The following LRRTM4 variants were observed in gnomAD, a reference collection of about 807,000 sequenced individuals.
LRRTM4 encodes the protein leucine rich repeat transmembrane neuronal 4.
In LRRTM4, 25 loss-of-function variants were observed where a neutral mutation model predicts 47.6. The ratio of observed to expected loss-of-function variants is 0.53; its 90% CI spans 0.38 to 0.73. LRRTM4 has a LOEUF of 0.73. LRRTM4 is among the 30% of genes least tolerant of loss of function. The probability of loss-of-function intolerance (pLI) is 0.00; values close to 1 mark genes in which losing one functional copy is unlikely to be tolerated. For synonymous variants in LRRTM4, 311 were observed against 269.5 expected, an observed-to-expected ratio of 1.15 and a Z score of -1.51; for missense variants, 638 against 713.4, an observed-to-expected ratio of 0.89 and a Z score of 1.20.
At chr2:77,006,648 C>A (rs965803458) in intron 3 of LRRTM4, among the ~76,000 whole-genome samples, 2 of 152,020 alleles carry the variant, frequency 1.3e-5, no homozygotes, top group Middle Eastern at 3.2e-3. Context: ...CAAAAACAAG[C>A]GGAGAGATTC....
At chr2:76,920,106 C>T (rs899382148) in intron 3 of LRRTM4, among the ~76,000 whole-genome samples, 1 of 151,972 alleles carries the variant, frequency 6.6e-6, no homozygotes, top group African/African-American at 2.4e-5. Context: ...TCTTTTAAAA[C>T]GTAATATGAG....
At chr2:76,963,355 A>G (rs1431928303) in intron 3 of LRRTM4, among the ~76,000 whole-genome samples, 2 of 150,840 alleles carry the variant, frequency 1.3e-5, no homozygotes, top group African/African-American at 4.8e-5. Flanking sequence ...ATTGCTCTGG[A>G]ACTATCTCCT....
intron 3 of LRRTM4, among the ~76,000 whole-genome samples, chr2:77,406,789 G>C (rs1273243032): frequency 3.3e-5 from 5 of 152,026 alleles, no homozygotes; most frequent in Admixed American, 2.6e-4. Context: ...AGCTGAAGTA[G>C]AAAACATTTC....
intron 3 of LRRTM4, chr2:76,986,121 T>C (rs965846640): frequency 3.5e-5 from 5 of 142,642 alleles, no homozygotes; most frequent in South Asian, 2.1e-4. Flanking sequence ...TAGATTTTCA[T>C]TGGACTTTTG....
intron 3 of LRRTM4, among the ~76,000 whole-genome samples, chr2:76,964,261 T>C (rs1675951841): frequency 6.6e-6 from 1 of 150,682 alleles, no homozygotes; most frequent in Non-Finnish European, 1.5e-5. Flanking sequence ...AATAAAAAAA[T>C]CAACTCTTCA....
chr2:77,122,361 TTTAA>T (rs1280419079), intron 3 of LRRTM4, among the ~76,000 whole-genome samples: 1 of 151,456 alleles, frequency 6.6e-6, no homozygotes, highest in Non-Finnish European at 1.5e-5. Context: ...TTGTTATTCT[TTTAA>T]TTATCTTACT....
At chr2:77,086,575 T>C (rs1347656137) in intron 3 of LRRTM4, among the ~76,000 whole-genome samples, 1 of 151,312 alleles carries the variant, frequency 6.6e-6, no homozygotes, top group Non-Finnish European at 1.5e-5. Context: ...CCTCCTGGAC[T>C]CAAGCCATTC....
intron 3 of LRRTM4, among the ~76,000 whole-genome samples, chr2:76,998,632 C>T (rs1677291599): frequency 6.6e-6 from 1 of 152,000 alleles, no homozygotes; most frequent in South Asian, 2.1e-4. Flanking sequence ...TGAAGTCTGA[C>T]ATCCACTGCT....
In LRRTM4 at chr2:77,286,596, T is replaced by C. The variant is rs529847172; in HGVS notation, c.1551+231722A>G. 2.0e-5 allele frequency among the ~76,000 whole-genome samples: 3 copies of C among 149,772 alleles called. No individual in the cohort carries two copies. In the South Asian group the frequency reaches 6.3e-4, roughly 32 times the overall value. ...TCACTAAATTACCACCAACAAAATA[T>C]ATATAAGAAAAAAAAAAACTCTAGC... On this transcript the variant is annotated intron_variant, in intron 3 of 3. Coordinates refer to ENST00000409884, the MANE Select transcript of LRRTM4 (RefSeq NM_001134745.3).
intron 3 of LRRTM4, among the ~76,000 whole-genome samples, chr2:77,378,007 G>A (rs1346370948): frequency 1.3e-5 from 2 of 151,780 alleles, no homozygotes; most frequent in Non-Finnish European, 1.5e-5. Context: ...TGGTAATTTA[G>A]GTTCTCTAGA....
chr2:77,415,506 TA>T (rs561272758), intron 3 of LRRTM4, among the ~76,000 whole-genome samples: 62 of 152,300 alleles, frequency 4.1e-4, no homozygotes, highest in African/African-American at 1.5e-3. Context: ...TTAAATTATT[TA>T]AAAGTATATT....
At chr2:76,957,797 C>A (rs1229670447) in intron 3 of LRRTM4, among the ~76,000 whole-genome samples, 3 of 151,668 alleles carry the variant, frequency 2.0e-5, no homozygotes, top group South Asian at 2.1e-4. Flanking sequence ...ATGGCACACA[C>A]TCACATGGTT....
intron 3 of LRRTM4, among the ~76,000 whole-genome samples, chr2:77,063,445 T>G (rs1404608194): frequency 1.3e-5 from 2 of 152,170 alleles, no homozygotes; most frequent in Non-Finnish European, 2.9e-5. Context: ...GCCTCTCTGT[T>G]TCTACCAAAT....
At chr2:76,970,245 G>A (rs1018967536) in intron 3 of LRRTM4, among the ~76,000 whole-genome samples, 1 of 151,942 alleles carries the variant, frequency 6.6e-6, no homozygotes, top group Non-Finnish European at 1.5e-5. Context: ...ATCTCTAAGA[G>A]CCCAATATAT....
At chr2:76,853,416 C>T (rs953042616) in intron 3 of LRRTM4, among the ~76,000 whole-genome samples, 1 of 152,036 alleles carries the variant, frequency 6.6e-6, no homozygotes, top group Non-Finnish European at 1.5e-5. Context: ...AGAGCACCTG[C>T]CACCATCTAA....
intron 3 of LRRTM4, among the ~76,000 whole-genome samples, chr2:76,940,903 A>G (rs1675119453): frequency 6.6e-6 from 1 of 152,180 alleles, no homozygotes; most frequent in African/African-American, 2.4e-5. Context: ...TGTTGACTAC[A>G]AGGCTAGCAA....
At chr2:76,803,578 G>A (rs577976154) in intron 3 of LRRTM4, among the ~76,000 whole-genome samples, 7 of 152,196 alleles carry the variant, frequency 4.6e-5, no homozygotes, top group African/African-American at 1.7e-4. Context: ...CAGATGATTC[G>A]GCAATACCGC....
At position 77,298,930 on chromosome 2, in the gene LRRTM4, A is replaced by G. The variant is rs76933151; in HGVS notation, c.1551+219388T>C. ...AACCTCCTAGTGACAAATATTTACT[A>G]TTGATCAAGCTCTATGAGAAACACT... On this transcript the variant is annotated intron_variant, in intron 3 of 3. Coordinates refer to ENST00000409884, the MANE Select transcript of LRRTM4 (RefSeq NM_001134745.3). Among the ~76,000 whole-genome samples, 20 of 152,288 alleles carry G rather than the reference A, an allele frequency of 1.3e-4. No individual in the cohort carries two copies. The East Asian group carries it at 3.9e-3, about 29-fold the overall frequency.
At chr2:76,791,432 T>A (rs1464690118) in intron 3 of LRRTM4, among the ~76,000 whole-genome samples, 2 of 152,168 alleles carry the variant, frequency 1.3e-5, no homozygotes, top group Non-Finnish European at 2.9e-5. Context: ...ATGAGATGAT[T>A]TATCAGAGAA....
Sources: allele counts gnomAD v4.1 joint callset (sites outside exome capture counted in the v4.1 genomes callset), GRCh38; gene constraint gnomAD v4.1.1; transcripts MANE v1.5; gene names NCBI Gene and HGNC (gene_info 2026-07-23, HGNC 2026-07-21).